Variants in CUBN observed in about 807,000 individuals in gnomAD.
CUBN encodes cubilin.
Under a neutral mutation model 405.3 loss-of-function variants are expected in CUBN, and 282 were observed. The ratio of observed to expected loss-of-function variants is 0.70; its 90% confidence interval spans 0.63 to 0.77. The LOEUF (loss-of-function observed/expected upper bound fraction) is 0.77. Ranked by LOEUF, CUBN falls within the 30% of genes least tolerant of loss-of-function variation. CUBN has a pLI of 0.00. For missense variants in CUBN, 4,514 were observed against 4,475.2 expected (o/e 1.01, Z -0.25); for synonymous variants, 1,684 against 1,617.0 (o/e 1.04, Z -0.99).
chr10:16,923,362 A>G (rs1466161963), intron 43 of CUBN, among the ~76,000 whole-genome samples: 1 of 152,168 alleles, frequency 6.6e-6, no homozygotes, highest in Non-Finnish European at 1.5e-5. Context: ...AATGGTATAA[A>G]ACTAGGTGAT....
At position 17,047,742 on chromosome 10, in the gene CUBN, T is replaced by C. The variant is rs73598198; in HGVS notation, c.3140-139A>G. The C allele has an allele frequency of 3.7e-3, 2,804 of 762,276 alleles. 58 individuals carry two copies. In the African/African-American group the frequency reaches 0.045, roughly 12 times the overall value. 47.2% of individuals were successfully genotyped at this position (762,276 alleles called of 1,614,324 possible). ...ATTCTGGAATGTGCAAATAAAGACT[T>C]CATTCTGAAACAAAGTTTTTGTAAT... On this transcript the variant is annotated intron_variant, in intron 22 of 66. Coordinates refer to ENST00000377833, the MANE Select transcript of CUBN (RefSeq NM_001081.4).
chr10:16,832,219 G>A (rs1839024877), intron 64 of CUBN, among the ~76,000 whole-genome samples: 1 of 152,160 alleles, frequency 6.6e-6, no homozygotes, highest in Non-Finnish European at 1.5e-5. Flanking sequence ...TTACGGAAAC[G>A]TTACGCGGGC....
At chr10:16,857,146 T>C (rs997227791) in intron 59 of CUBN, among the ~76,000 whole-genome samples, 6 of 152,224 alleles carry the variant, frequency 3.9e-5, no homozygotes, top group Non-Finnish European at 8.8e-5. Flanking sequence ...ACTTCAGGTA[T>C]AATATTTATG....
intron 31 of CUBN, among the ~76,000 whole-genome samples, chr10:16,977,459 A>G (rs2131684439): frequency 6.6e-6 from 1 of 152,284 alleles, no homozygotes; most frequent in Admixed American, 6.5e-5. Context: ...GGGTCAGTCA[A>G]AGAAGAAATC....
chr10:17,079,520 T>C (rs779515264), intron 17 of CUBN, among the ~76,000 whole-genome samples: 3 of 152,102 alleles, frequency 2.0e-5, no homozygotes, highest in Non-Finnish European at 2.9e-5. Flanking sequence ...GTTACAGGCA[T>C]GAGCCACCAT....
At chr10:17,089,169 A>G (rs1836196020) in intron 14 of CUBN, among the ~76,000 whole-genome samples, 1 of 152,234 alleles carries the variant, frequency 6.6e-6, no homozygotes, top group African/African-American at 2.4e-5. Flanking sequence ...TATGAAATTT[A>G]CATAGCTATA....
intron 17 of CUBN, among the ~76,000 whole-genome samples, chr10:17,081,647 T>C (rs1324429411): frequency 1.3e-5 from 2 of 152,188 alleles, no homozygotes; most frequent in Non-Finnish European, 2.9e-5. Flanking sequence ...GAGAAGTGAA[T>C]ATACTTTTTA....
chr10:16,833,617 AG>A (rs1179559023), intron 64 of CUBN, among the ~76,000 whole-genome samples: 3 of 152,128 alleles, frequency 2.0e-5, no homozygotes, highest in Non-Finnish European at 4.4e-5. Flanking sequence ...AAATCGGATG[AG>A]GGGGGTTGCA....
At chr10:16,938,749 C>G (rs1366755398) in intron 38 of CUBN, among the ~76,000 whole-genome samples, 5 of 151,846 alleles carry the variant, frequency 3.3e-5, no homozygotes, top group Non-Finnish European at 5.9e-5. Flanking sequence ...TATAATAATC[C>G]TAAAAAACCC....
At chr10:16,849,223 G>C (rs1186271752) in intron 60 of CUBN, among the ~76,000 whole-genome samples, 1 of 151,974 alleles carries the variant, frequency 6.6e-6, no homozygotes, top group Non-Finnish European at 1.5e-5. Context: ...GAATCCCCCT[G>C]CCCCTTGACT....
chr10:16,827,102 A>G (rs971144341), intron 66 of CUBN, among the ~76,000 whole-genome samples: 5 of 152,294 alleles, frequency 3.3e-5, no homozygotes, highest in African/African-American at 1.2e-4. Context: ...CAAGTAATGT[A>G]ACTATATGTA....
intron 17 of CUBN, among the ~76,000 whole-genome samples, chr10:17,073,109 A>T (rs577992290): frequency 6.6e-6 from 1 of 152,148 alleles, no homozygotes; most frequent in Non-Finnish European, 1.5e-5. Flanking sequence ...TTTTTGTTAG[A>T]ACGCTGTTAC....
Position 17,068,224 on chromosome 10 carries a change from T to TTGGA in CUBN, c.2844_2847dup (p.Asn950SerfsTer19). The TTGGA allele has an allele frequency of 1.2e-6, 2 of 1,613,734 alleles. No individual in the cohort carries two copies. Among genetic ancestry groups the TTGGA allele is most frequent in the Non-Finnish European group, 1.7e-6 (2 of 1,179,700 alleles). On this transcript the variant is annotated frameshift_variant, in exon 21 of 67. Transcript: ENST00000377833. LOFTEE classifies it high-confidence loss of function. ...CAGTTGATACCGTGGGGGTAGACAT[T>TTGGA]TGGATGGCCAGGACTTTGAATGGTC...
intron 60 of CUBN, among the ~76,000 whole-genome samples, chr10:16,841,803 C>T (rs1384464494): frequency 2.0e-5 from 3 of 148,318 alleles, no homozygotes; most frequent in Non-Finnish European, 3.0e-5. Flanking sequence ...ATCCCATATA[C>T]TTGGGAGGCT....
intron 51 of CUBN, among the ~76,000 whole-genome samples, chr10:16,903,263 T>G (rs1841450331): frequency 6.6e-6 from 1 of 152,328 alleles, no homozygotes; most frequent in South Asian, 2.1e-4. Flanking sequence ...AAAAAGCTTT[T>G]TCACACTAAG....
rs1842410557 is a variant in CUBN at position 16,933,219 on chromosome 10, C to G, written c.5992G>C (p.Asp1998His). 6.2e-7 allele frequency: 1 copy of G among 1,614,074 alleles called. No homozygotes were observed. Among genetic ancestry groups the G allele is most frequent in the Non-Finnish European group, 8.5e-7 (1 of 1,179,990 alleles). Reference protein sequence around the residue: ...PVFLFSPGWPDSYSNRVDCTW... With the variant: ...PVFLFSPGWPHSYSNRVDCTW... ...CAGTCCACTCTATTACTGTAACTGTCAGGCCAGCCCGGGGAGAAGAGAAAC... is the reference window on the plus strand; with the variant it reads ...CAGTCCACTCTATTACTGTAACTGTGAGGCCAGCCCGGGGAGAAGAGAAAC... Residue 1998 changes from aspartate (D) to histidine (H), a missense_variant, in exon 40 of 67, where the codon GAC (aspartate) becomes CAC (histidine). Coordinates refer to ENST00000377833, the MANE Select transcript of CUBN (RefSeq NM_001081.4).
intron 25 of CUBN, 119 bp downstream of exon 25, chr10:17,044,888 T>C: frequency 1.9e-6 from 2 of 1,063,864 alleles, no homozygotes; most frequent in Non-Finnish European, 2.9e-6. Flanking sequence ...TGTTTGAATT[T>C]TTATATGGAT....
chr10:17,112,401 T>C (rs570716109), intron 8 of CUBN, among the ~76,000 whole-genome samples: 2 of 152,044 alleles, frequency 1.3e-5, no homozygotes, highest in Non-Finnish European at 2.9e-5. Flanking sequence ...TATATTGCTT[T>C]GCTGCTTATA....
chr10:16,828,196 T>G (rs1450475616), intron 66 of CUBN, among the ~76,000 whole-genome samples: 1 of 151,964 alleles, frequency 6.6e-6, no homozygotes, highest in East Asian at 1.9e-4. Context: ...GTGCTGTGAC[T>G]CCTCCCTGGG....
Sources: allele counts gnomAD v4.1 joint callset (sites outside exome capture counted in the v4.1 genomes callset), GRCh38; gene constraint gnomAD v4.1.1; transcripts MANE v1.5; gene names NCBI Gene and HGNC (gene_info 2026-07-23, HGNC 2026-07-21).